Variants in MAPK10 observed in about 807,000 individuals in gnomAD.
MAPK10 encodes JNK3 alpha protein kinase.
MAPK10 carries 25 observed loss-of-function variants against 59.3 expected under a neutral mutation model. That is an observed-to-expected ratio of 0.42 (90% CI 0.31 to 0.59). The LOEUF is 0.59. Ranked by LOEUF, MAPK10 falls within the 20% of genes least tolerant of loss-of-function variation. The pLI is 0.15. For synonymous variants in MAPK10, 190 were observed against 200.5 expected (o/e 0.95, Z 0.44); for missense variants, 351 against 568.9 (o/e 0.62, Z 3.90).
upstream of MAPK10, chr4:86,360,139 A>G (rs1736620412): frequency 1.5e-5 from 15 of 985,900 alleles, no homozygotes; most frequent in Non-Finnish European, 1.8e-5. Flanking sequence ...GTCAAAGCCC[A>G]GAGAGGTCTA....
At chr4:86,064,526 G>A (rs1478642520) in intron 10 of MAPK10, 136 bp from the exon 11 acceptor site, 3 of 802,422 alleles carry the variant, frequency 3.7e-6, no homozygotes, top group South Asian at 1.8e-5. Flanking sequence ...TTGATGTGAT[G>A]GAAAAGAAAA....
chr4:86,139,519 T>A (rs1054302338), intron 4 of MAPK10, among the ~76,000 whole-genome samples: 2 of 151,820 alleles, frequency 1.3e-5, no homozygotes, highest in Non-Finnish European at 1.5e-5. Context: ...TTACACCTTA[T>A]ACAAAAGTCA....
intron 2 of MAPK10, among the ~76,000 whole-genome samples, chr4:86,322,797 C>T (rs1245378480): frequency 1.3e-5 from 2 of 152,128 alleles, no homozygotes; most frequent in South Asian, 2.1e-4. Flanking sequence ...ATATGCTCAT[C>T]GAAGTCATTC....
chr4:86,502,194 T>C (rs1329084108), intron 1 of MAPK10, among the ~76,000 whole-genome samples: 2 of 152,008 alleles, frequency 1.3e-5, no homozygotes, highest in African/African-American at 2.4e-5. Context: ...TTGTGACTCA[T>C]ACATTTACAA....
At chr4:86,371,434 T>C (rs1031312621) in intron 1 of MAPK10, among the ~76,000 whole-genome samples, 1 of 152,160 alleles carries the variant, frequency 6.6e-6, no homozygotes, top group Admixed American at 6.5e-5. Flanking sequence ...TTATTTTATA[T>C]ACAAGAAAAC....
chr4:86,097,098 C>T (rs1326373811), intron 9 of MAPK10, among the ~76,000 whole-genome samples: 3 of 151,910 alleles, frequency 2.0e-5, no homozygotes, highest in Non-Finnish European at 2.9e-5. Context: ...ATCACCTTAA[C>T]ACAAGCTATA....
At chr4:86,033,896 A>C (rs1182999339) in intron 11 of MAPK10, among the ~76,000 whole-genome samples, 2 of 152,228 alleles carry the variant, frequency 1.3e-5, no homozygotes, top group Admixed American at 1.3e-4. Flanking sequence ...GTTACAACAC[A>C]CACGTATAAG....
rs569496293 is a variant in MAPK10, at chr4:86,547,843, G to T, written c.-263+46067C>A. On this transcript the variant is annotated intron_variant, in intron 1 of 4. Transcript: ENST00000502302. ...TGTGTCTAGCTCAGGGTTTGTGAAT[G>T]CACCAATCGACACTCTGTATTTAGC... Among the ~76,000 whole-genome samples, 53 of 152,306 alleles carry T rather than the reference G, an allele frequency of 3.5e-4. 1 individual carries two copies. The highest frequency in any genetic ancestry group is 1.2e-3 in the African/African-American group (51 of 41,582).
upstream of MAPK10, among the ~76,000 whole-genome samples, chr4:86,455,240 G>C (rs1004583825): frequency 6.6e-6 from 1 of 151,776 alleles, no homozygotes; most frequent in African/African-American, 2.4e-5. Context: ...AAAAAACAAG[G>C]TATACAGGCA....
chr4:86,559,662 G>A (rs1389959616), intron 1 of MAPK10, among the ~76,000 whole-genome samples: 3 of 152,008 alleles, frequency 2.0e-5, no homozygotes, highest in Non-Finnish European at 4.4e-5. Flanking sequence ...GCCAGGCGTG[G>A]TGGCTCATGC....
In MAPK10 at chr4:86,013,264, TACA is replaced by T. The variant is rs1741950038; in HGVS notation, c.*3961_*3963del. 1.3e-5 allele frequency: 2 copies of T among 152,206 alleles called. No homozygotes were observed. Among genetic ancestry groups the T allele is most frequent in the Admixed American group, 1.3e-4 (2 of 15,288 alleles). 9.4% of individuals were successfully genotyped at this position (152,206 alleles called of 1,614,324 possible). The stretch of plus-strand genomic sequence containing the variant: ...TACATTGCAACTTTTTTGTTGTTTT[TACA>T]GAGAGGAGTTTCCTTGCTTGGCTTA... On this transcript the variant is annotated 3_prime_UTR_variant, in exon 14 of 14. Transcript: ENST00000641462.
intron 11 of MAPK10, among the ~76,000 whole-genome samples, chr4:86,038,493 A>G (rs984306616): frequency 6.6e-6 from 1 of 152,238 alleles, no homozygotes; most frequent in African/African-American, 2.4e-5. Context: ...GAAATCCATT[A>G]AGGAAATATA....
Position 86,105,953 on chromosome 4 carries a change from C to G in MAPK10, c.366+1270G>C, listed in dbSNP as rs1177197538. ...TGCCTTACTTAATAGCACTTATCAT[C>G]ACCTGACATTTTACACATTGACCTG... On this transcript the variant is annotated intron_variant, in intron 5 of 13. Transcript: ENST00000641462. Among the ~76,000 whole-genome samples, 4 of 152,274 alleles carry G rather than the reference C, an allele frequency of 2.6e-5. No individual in the cohort carries two copies. The East Asian group carries it at 5.8e-4, about 22-fold the overall frequency.
chr4:86,077,760 A>G (rs1047018858), intron 9 of MAPK10, among the ~76,000 whole-genome samples: 5 of 152,200 alleles, frequency 3.3e-5, no homozygotes. Context: ...ATTATTAGCT[A>G]TGTTCTTAAA....
chr4:86,303,346 C>T (rs905640111), intron 2 of MAPK10, among the ~76,000 whole-genome samples: 7 of 152,202 alleles, frequency 4.6e-5, no homozygotes, highest in Non-Finnish European at 8.8e-5. Flanking sequence ...TCTGTGACTT[C>T]GACTTTCATT....
intron 1 of MAPK10, among the ~76,000 whole-genome samples, chr4:86,433,935 C>T (rs1748374841): frequency 6.6e-6 from 1 of 152,176 alleles, no homozygotes; most frequent in Non-Finnish European, 1.5e-5. Flanking sequence ...AAACTCTCCA[C>T]ACGTATCACA....
chr4:86,304,771 C>A (rs2095537884), intron 2 of MAPK10, among the ~76,000 whole-genome samples: 1 of 152,068 alleles, frequency 6.6e-6, no homozygotes. Flanking sequence ...ATATTTTTTT[C>A]ACTTATTCAA....
At chr4:86,371,051 A>C (rs889832735) in intron 1 of MAPK10, among the ~76,000 whole-genome samples, 1 of 152,232 alleles carries the variant, frequency 6.6e-6, no homozygotes, top group African/African-American at 2.4e-5. Context: ...ATTGTCTTCT[A>C]GGCAAAATAT....
intron 1 of MAPK10, among the ~76,000 whole-genome samples, chr4:86,561,879 T>C (rs371094165): frequency 5.3e-5 from 8 of 152,318 alleles, no homozygotes; most frequent in Admixed American, 3.3e-4. Flanking sequence ...TGTTGGATCA[T>C]TCATTTTTCC....
Sources: gnomAD v4.1 joint callset for allele counts (sites outside exome capture counted in the v4.1 genomes callset) on GRCh38, gnomAD v4.1.1 for gene constraint, MANE v1.5 for transcripts, NCBI Gene and HGNC (gene_info 2026-07-23, HGNC 2026-07-21) for gene names.